Variants in FHIT observed in about 807,000 individuals in gnomAD.
FHIT encodes fragile histidine triad diadenosine triphosphatase.
In FHIT, 19 loss-of-function variants were observed where a neutral mutation model predicts 17.9. That is an observed-to-expected ratio of 1.06 (90% CI 0.74 to 1.56). FHIT has a LOEUF of 1.56. Among genes scored for constraint, FHIT ranks in the 40% most tolerant of loss-of-function variants. The pLI, the probability that FHIT is intolerant of heterozygous loss-of-function variation, is 0.00. For synonymous variants in FHIT, 81 were observed against 69.7 expected (o/e 1.16, Z -0.81); for missense variants, 248 against 189.2 (o/e 1.31, Z -1.82).
At chr3:60,924,567 T>C (rs1309906565) in intron 3 of FHIT, among the ~76,000 whole-genome samples, 1 of 151,914 alleles carries the variant, frequency 6.6e-6, no homozygotes, top group East Asian at 1.9e-4. Context: ...TACGTCACCA[T>C]CATCAAAGAC....
At chr3:61,188,776 A>G (rs1355693062) in intron 2 of FHIT, among the ~76,000 whole-genome samples, 1 of 152,152 alleles carries the variant, frequency 6.6e-6, no homozygotes, top group African/African-American at 2.4e-5. Context: ...GGCTGGTTCA[A>G]TACACTCAAA....
chr3:60,529,162 G>A (rs2035679692), intron 5 of FHIT, among the ~76,000 whole-genome samples: 1 of 152,012 alleles, frequency 6.6e-6, no homozygotes, highest in Admixed American at 6.6e-5. Context: ...GCAAATTTAT[G>A]GTTATTTTTT....
chr3:60,416,949 C>T (rs1015988179), intron 5 of FHIT, among the ~76,000 whole-genome samples: 44 of 151,952 alleles, frequency 2.9e-4, no homozygotes, highest in African/African-American at 1.0e-3. Flanking sequence ...ATTAGCCGGG[C>T]GTGGTGGCAG....
At chr3:61,143,759 G>A (rs746734921) in intron 2 of FHIT, among the ~76,000 whole-genome samples, 25 of 152,064 alleles carry the variant, frequency 1.6e-4, no homozygotes, top group Non-Finnish European at 3.1e-4. Flanking sequence ...CCAACTACTC[G>A]GGAGACTGAG....
chr3:61,088,451 T>C (rs1425521666), intron 2 of FHIT, among the ~76,000 whole-genome samples: 1 of 152,200 alleles, frequency 6.6e-6, no homozygotes, highest in Non-Finnish European at 1.5e-5. Flanking sequence ...TGCTACCTTG[T>C]ACAGCCAATT....
intron 5 of FHIT, among the ~76,000 whole-genome samples, chr3:60,116,759 G>C (rs1704980181): frequency 6.6e-6 from 1 of 152,118 alleles, no homozygotes. Flanking sequence ...AAGGCACTGA[G>C]AAATCACACC....
chr3:60,493,234 G>A (rs1393600249), intron 5 of FHIT, among the ~76,000 whole-genome samples: 1 of 152,190 alleles, frequency 6.6e-6, no homozygotes, highest in African/African-American at 2.4e-5. Context: ...AAGTGCCTAT[G>A]ACGTGAGTTT....
At chr3:59,763,398 T>C (rs1004338731) in intron 8 of FHIT, among the ~76,000 whole-genome samples, 4 of 152,180 alleles carry the variant, frequency 2.6e-5, no homozygotes, top group Non-Finnish European at 4.4e-5. Flanking sequence ...CAACACAACA[T>C]TGCAGGCAGC....
chr3:60,039,463 A>T (rs1476614148), intron 5 of FHIT, among the ~76,000 whole-genome samples: 1 of 152,168 alleles, frequency 6.6e-6, no homozygotes, highest in Non-Finnish European at 1.5e-5. Context: ...TGATGGAAAA[A>T]TACTGCTGAG....
Position 60,288,565 on chromosome 3 carries a change from CAGTG to C in FHIT, c.103+248291_103+248294del, listed in dbSNP as rs1190194988. The stretch of plus-strand genomic sequence containing the variant: ...TCATTCTGTTTTCTAGGTTCTGGCA[CAGTG>C]TGTGTGTGTGTGTGTGTGTGTGTGT... On this transcript the variant is annotated intron_variant, in intron 5 of 9. Transcript: ENST00000492590. 5.0e-5 allele frequency among the ~76,000 whole-genome samples: 6 copies of C among 120,570 alleles called. 1 individual carries two copies. Among genetic ancestry groups the C allele is most frequent in the Middle Eastern group, 4.3e-3 (1 of 234 alleles). The allele number at this position is 120,570 out of a possible 152,430, so 79.1% of individuals were successfully genotyped here.
At chr3:60,230,854 C>T (rs950864357) in intron 5 of FHIT, among the ~76,000 whole-genome samples, 1 of 152,102 alleles carries the variant, frequency 6.6e-6, no homozygotes, top group African/African-American at 2.4e-5. Context: ...GGGATTACAG[C>T]CATAAACCAC....
chr3:60,246,784 C>A (rs1277404796), intron 5 of FHIT, among the ~76,000 whole-genome samples: 1 of 152,148 alleles, frequency 6.6e-6, no homozygotes, highest in East Asian at 1.9e-4. Context: ...ATTCTCCACA[C>A]AGTCTACAAT....
At chr3:61,240,621 C>A (rs908850886) in intron 1 of FHIT, among the ~76,000 whole-genome samples, 1 of 152,144 alleles carries the variant, frequency 6.6e-6, no homozygotes, top group Non-Finnish European at 1.5e-5. Flanking sequence ...ACAATTGAGT[C>A]TCTCTAAACT....
chr3:60,997,030 G>T (rs2030723740), intron 3 of FHIT, among the ~76,000 whole-genome samples: 1 of 152,186 alleles, frequency 6.6e-6, no homozygotes, highest in African/African-American at 2.4e-5. Flanking sequence ...CAGCATTATT[G>T]AGTAAAACTA....
intron 5 of FHIT, among the ~76,000 whole-genome samples, chr3:60,312,273 T>C (rs1404134423): frequency 2.6e-5 from 4 of 152,058 alleles, no homozygotes; most frequent in Admixed American, 6.6e-5. Flanking sequence ...GTAACTAGAA[T>C]TATAGGCATA....
chr3:60,047,278 G>A (rs1292386611), intron 5 of FHIT, among the ~76,000 whole-genome samples: 1 of 152,200 alleles, frequency 6.6e-6, no homozygotes, highest in African/African-American at 2.4e-5. Flanking sequence ...GGTTCTTTCT[G>A]AGGTTAGTGG....
chr3:59,855,947 AT>A (rs59884349), intron 8 of FHIT, among the ~76,000 whole-genome samples: 84,630 of 151,104 alleles, frequency 0.56, 25,500 homozygotes, highest in African/African-American at 0.8. Context: ...CGCCCGGCTA[AT>A]TTTTTTGTAT....
At chr3:60,493,334 T>C (rs1321092527) in intron 5 of FHIT, among the ~76,000 whole-genome samples, 1 of 152,182 alleles carries the variant, frequency 6.6e-6, no homozygotes, top group Admixed American at 6.5e-5. Context: ...TCAGCCTATA[T>C]CCAAGGAAGA....
At chr3:60,669,674 G>T (rs1413679018) in intron 4 of FHIT, among the ~76,000 whole-genome samples, 1 of 152,112 alleles carries the variant, frequency 6.6e-6, no homozygotes, top group Non-Finnish European at 1.5e-5. Context: ...AACATTGCTG[G>T]GAATCCCCAA....
Sources: allele counts gnomAD v4.1 joint callset (sites outside exome capture counted in the v4.1 genomes callset), GRCh38; gene constraint gnomAD v4.1.1; transcripts MANE v1.5; gene names NCBI Gene and HGNC (gene_info 2026-07-23, HGNC 2026-07-21).